Variants in UPF2 observed in about 807,000 individuals in gnomAD.
The protein encoded by UPF2 is regulator of nonsense transcripts 2.
Under a neutral mutation model 141.4 loss-of-function variants are expected in UPF2, and 17 were observed. That is an observed-to-expected ratio of 0.12 (90% CI 0.08 to 0.18). The LOEUF (loss-of-function observed/expected upper bound fraction) is 0.18. UPF2 is among the 10% of genes least tolerant of loss of function. The pLI is 1.00. For missense variants in UPF2, 1,152 were observed against 1,515.9 expected, an observed-to-expected ratio of 0.76 and a Z score of 3.99; for synonymous variants, 540 against 498.0, an observed-to-expected ratio of 1.08 and a Z score of -1.12.
At chr10:12,025,815 G>C (rs1041657304) in intron 3 of UPF2, among the ~76,000 whole-genome samples, 5 of 152,184 alleles carry the variant, frequency 3.3e-5, no homozygotes, top group African/African-American at 1.2e-4. Context: ...TTTGTTTCGA[G>C]ACAGGGTCTC....
In UPF2 at chr10:11,968,619, T is replaced by C. The variant is rs543154458; in HGVS notation, c.1954-1165A>G. On this transcript the variant is annotated intron_variant, in intron 9 of 21. Transcript: ENST00000357604. The stretch of plus-strand genomic sequence containing the variant: ...CACTGTTCTTTTTTATCACCAGTCA[T>C]GGTTGTATGTCAAAGTTTAAGTCCT... Among the ~76,000 whole-genome samples the C allele has an allele frequency of 6.6e-5, 10 of 152,318 alleles. No individual in the cohort carries two copies. In the South Asian group the frequency reaches 2.1e-3, roughly 32 times the overall value.
chr10:11,930,129 A>C, intron 20 of UPF2, 144 bp from the exon 21 acceptor site: 3 of 1,155,336 alleles, frequency 2.6e-6, no homozygotes, highest in Non-Finnish European at 3.6e-6. Flanking sequence ...TACAGACTAA[A>C]ATGATTAAGA....
chr10:11,985,908 G>A (rs1237264350), intron 8 of UPF2, among the ~76,000 whole-genome samples: 6 of 22,998 alleles, frequency 2.6e-4, no homozygotes, highest in Admixed American at 6.1e-4. Flanking sequence ...TTTGTGAGAC[G>A]GAATCTCGCT....
In UPF2 at chr10:11,992,611, T is replaced by A. The variant is rs1403999274; in HGVS notation, c.1844+5061A>T. On this transcript the variant is annotated intron_variant, in intron 8 of 21. Coordinates refer to ENST00000357604, the MANE Select transcript of UPF2 (RefSeq NM_015542.4). The surrounding 1 kb of genome is among the most constrained non-coding windows in gnomAD (Gnocchi z 4.1). ...AAATTAAAAAATATAAAAGACCACA[T>A]AATGAAAGACTTTTAGGAATTAAAC... Among the ~76,000 whole-genome samples the A allele has an allele frequency of 1.3e-5, 2 of 152,056 alleles. No individual in the cohort carries two copies. The highest frequency in any genetic ancestry group is 2.9e-5 in the Non-Finnish European group (2 of 68,002).
chr10:11,996,277 C>T (rs1041823916), intron 8 of UPF2, among the ~76,000 whole-genome samples: 7 of 151,742 alleles, frequency 4.6e-5, no homozygotes, highest in Non-Finnish European at 8.8e-5. Context: ...TATAAGACTA[C>T]GAGATCTATT....
chr10:11,923,343 T>C (rs1832669792), intron 21 of UPF2: 2 of 152,182 alleles, frequency 1.3e-5, no homozygotes, highest in South Asian at 4.1e-4. Context: ...TCAGGAGTTT[T>C]GGAGACCAGC....
intron 4 of UPF2, 34 bp from the exon 5 acceptor site, chr10:12,004,761 ACT>A: frequency 6.3e-7 from 1 of 1,591,572 alleles, no homozygotes; most frequent in Non-Finnish European, 8.6e-7. Flanking sequence ...AATTAACATA[ACT>A]TGAGGTTATA....
chr10:11,988,088 G>T (rs146626438), intron 8 of UPF2, among the ~76,000 whole-genome samples: 8 of 152,052 alleles, frequency 5.3e-5, no homozygotes, highest in Admixed American at 5.2e-4. Context: ...AATTTTACAG[G>T]GGCAAAGGCT....
At position 12,014,678 on chromosome 10, in the gene UPF2, A is replaced by G. The variant is rs1834188333; in HGVS notation, c.1146-494T>C. 6.6e-6 allele frequency among the ~76,000 whole-genome samples: 1 copy of G among 152,232 alleles called. No individual in the cohort carries two copies. Among genetic ancestry groups the G allele is most frequent in the Non-Finnish European group, 1.5e-5 (1 of 68,040 alleles). Reference sequence around the variant, plus strand: ...TTACTGTCATACTCCCCTCAGACATACAGAACTAACCAAAAATATTTAACA... The same window carrying G: ...TTACTGTCATACTCCCCTCAGACATGCAGAACTAACCAAAAATATTTAACA... On this transcript the variant is annotated intron_variant, in intron 3 of 21. Transcript: ENST00000357604. This position sits in a 1 kb window ranked among gnomAD's most constrained non-coding sequence, Gnocchi z 5.0.
At chr10:11,955,205 C>A in intron 14 of UPF2, 27 bp downstream of exon 14, 1 of 1,539,194 alleles carries the variant, frequency 6.5e-7, no homozygotes, top group Non-Finnish European at 8.7e-7. Context: ...TTAAATGATG[C>A]CAAACTGAAT....
At chr10:11,993,018 T>G (rs1833805169) in intron 8 of UPF2, among the ~76,000 whole-genome samples, 1 of 151,858 alleles carries the variant, frequency 6.6e-6, no homozygotes, top group African/African-American at 2.4e-5. Context: ...GGCGTGGTGG[T>G]ACACGCGTGA....
Position 11,979,303 on chromosome 10 carries a change from C to A in UPF2, c.1845-138G>T. The A allele has an allele frequency of 1.9e-6, 1 of 539,670 alleles. No individual in the cohort carries two copies. Among genetic ancestry groups the A allele is most frequent in the Non-Finnish European group, 3.2e-6 (1 of 313,196 alleles). 33.4% of individuals were successfully genotyped at this position (539,670 alleles called of 1,614,324 possible). A position where few individuals can be genotyped will look rare whatever the true frequency, so the allele number is the denominator to read the frequency against. On this transcript the variant is annotated intron_variant, in intron 8 of 21. Transcript: ENST00000357604. The surrounding 1 kb of genome is among the most constrained non-coding windows in gnomAD (Gnocchi z 6.2). ...ATCATACAGACATGCCTATTTATTG[C>A]CATCATAAAGAAGTGTTTGAAAATT...
chr10:11,981,426 G>A (rs1243353397), intron 8 of UPF2, among the ~76,000 whole-genome samples: 1 of 152,184 alleles, frequency 6.6e-6, no homozygotes, highest in Non-Finnish European at 1.5e-5. Flanking sequence ...AACAGATGCT[G>A]AGAGAAGTCA....
intron 21 of UPF2, among the ~76,000 whole-genome samples, chr10:11,924,439 G>A (rs954059987): frequency 2.0e-5 from 3 of 152,138 alleles, no homozygotes; most frequent in African/African-American, 7.2e-5. Context: ...TTAGTCAAGA[G>A]TGGTGGACTG....
At chr10:12,001,002 A>T (rs1361100457) in intron 6 of UPF2, among the ~76,000 whole-genome samples, 1 of 152,234 alleles carries the variant, frequency 6.6e-6, no homozygotes, top group Non-Finnish European at 1.5e-5. Flanking sequence ...AAATACATTT[A>T]TGTTGTTTGT....
intron 4 of UPF2, among the ~76,000 whole-genome samples, chr10:12,007,627 G>A (rs563445662): frequency 2.6e-5 from 4 of 151,830 alleles, no homozygotes; most frequent in Non-Finnish European, 5.9e-5. Context: ...TCAGGAGATC[G>A]AGACTATCCT....
At chr10:12,026,969 A>G (rs1224862303) in intron 3 of UPF2, among the ~76,000 whole-genome samples, 1 of 152,116 alleles carries the variant, frequency 6.6e-6, no homozygotes, top group Non-Finnish European at 1.5e-5. Flanking sequence ...TTCCTATAAT[A>G]ATTTCTAAAT....
chr10:12,001,787 G>T lies in UPF2; in HGVS notation c.1543C>A (p.Pro515Thr). 1 of 1,611,254 alleles carries T rather than the reference G, an allele frequency of 6.2e-7. No individual in the cohort carries two copies. Among genetic ancestry groups the T allele is most frequent in the Non-Finnish European group, 8.5e-7 (1 of 1,178,832 alleles). ...ESKENKEVSSPDDLELELENL... is the reference protein window; with the variant it reads ...ESKENKEVSSTDDLELELENL... ...TCCAACTCAAGTTCCAAATCATCGG[G>T]ACTTGATACCTCCTTATTCTCCTTA... The change falls in exon 6 of 22, where the codon CCC (proline) becomes ACC (threonine). Residue 515 changes from proline to threonine, a missense_variant. This residue lies in a region of UPF2 where 739 missense variants were observed against 1,032.2 expected (regional missense o/e 0.72). Coordinates refer to ENST00000357604, the MANE Select transcript of UPF2 (RefSeq NM_015542.4).
intron 8 of UPF2, among the ~76,000 whole-genome samples, chr10:11,981,446 T>C (rs1188220778): frequency 3.9e-5 from 6 of 152,220 alleles, no homozygotes; most frequent in African/African-American, 1.4e-4. Flanking sequence ...AGCAATATGA[T>C]AGCTTTGTAG....
Sources: allele counts gnomAD v4.1 joint callset (sites outside exome capture counted in the v4.1 genomes callset), GRCh38; gene constraint gnomAD v4.1.1; regional missense constraint gnomAD v4.1.1; non-coding constraint Gnocchi (gnomAD v3.1); transcripts MANE v1.5; gene names NCBI Gene and HGNC (gene_info 2026-07-23, HGNC 2026-07-21).